The following NXPE2 variants were observed in gnomAD, a reference collection of about 807,000 sequenced individuals.
NXPE2 encodes the protein NXPE family member 2.
NXPE2 carries 34 observed loss-of-function variants against 34.4 expected under a neutral mutation model. That is an observed-to-expected ratio of 0.99 (90% CI 0.75 to 1.31). The LOEUF (loss-of-function observed/expected upper bound fraction) is 1.31, where lower values mean the gene tolerates loss of function less well. Ranked by LOEUF, NXPE2 falls within the 40% of genes most tolerant of loss-of-function variation. The pLI is 0.00. For missense variants in NXPE2, 649 were observed against 672.5 expected (o/e 0.97, Z 0.39); for synonymous variants, 235 against 231.3 (o/e 1.02, Z -0.15).
the NXPE2 span, among the ~76,000 whole-genome samples, chr11:114,565,830 C>G: frequency 1.2e-4 from 18 of 152,114 alleles, no homozygotes; most frequent in African/African-American, 4.1e-4. Flanking sequence ...AGATTATGAG[C>G]AAAAGATCAG....
chr11:114,580,394 T>C, the NXPE2 span: 2 of 1,490,240 alleles, frequency 1.3e-6, no homozygotes, highest in Non-Finnish European at 1.9e-6. Flanking sequence ...CCCGTCAGTA[T>C]GTATTAAGAG....
At chr11:114,789,914 C>T in the NXPE2 span, among the ~76,000 whole-genome samples, 2 of 152,214 alleles carry the variant, frequency 1.3e-5, no homozygotes, top group African/African-American at 2.4e-5. Flanking sequence ...CTGCCCGGAG[C>T]CACCTGGCAG....
At chr11:114,536,759 A>G in the NXPE2 span, among the ~76,000 whole-genome samples, 1 of 152,356 alleles carries the variant, frequency 6.6e-6, no homozygotes, top group Non-Finnish European at 1.5e-5. Flanking sequence ...GAATAGACCA[A>G]TAACAGGCTC....
chr11:114,531,839 TTGGCACTATACG>T, the NXPE2 span, among the ~76,000 whole-genome samples: 1 of 152,164 alleles, frequency 6.6e-6, no homozygotes, highest in Non-Finnish European at 1.5e-5. Context: ...ACTTATGCTT[TTGGCACTATACG>T]GTGCTTTATA....
chr11:114,613,414 A>G, the NXPE2 span, among the ~76,000 whole-genome samples: 1 of 151,806 alleles, frequency 6.6e-6, no homozygotes, highest in Non-Finnish European at 1.5e-5. Flanking sequence ...AAGCACTGTT[A>G]CCTGGTGGAT....
At chr11:114,662,168 C>T in the NXPE2 span, among the ~76,000 whole-genome samples, 1 of 152,176 alleles carries the variant, frequency 6.6e-6, no homozygotes, top group Non-Finnish European at 1.5e-5. Flanking sequence ...ATTGCCAACA[C>T]AACCCCACCA....
At chr11:114,788,900 C>A in the NXPE2 span, among the ~76,000 whole-genome samples, 1 of 152,170 alleles carries the variant, frequency 6.6e-6, no homozygotes, top group African/African-American at 2.4e-5. Context: ...TCTATTTTTA[C>A]ACCACTGGTT....
At chr11:114,705,171 G>A (rs1025506337) in intron 4 of NXPE2, among the ~76,000 whole-genome samples, 3 of 152,148 alleles carry the variant, frequency 2.0e-5, no homozygotes, top group Admixed American at 2.0e-4. Context: ...ATAGAGGAGT[G>A]TTCAGAACAG....
At chr11:114,722,627 T>G in the NXPE2 span, among the ~76,000 whole-genome samples, 6 of 152,154 alleles carry the variant, frequency 3.9e-5, no homozygotes, top group Non-Finnish European at 8.8e-5. Context: ...CTGGTTTTCT[T>G]GCTAAGGATT....
chr11:114,466,311 G>A, the NXPE2 span, among the ~76,000 whole-genome samples: 1 of 151,976 alleles, frequency 6.6e-6, no homozygotes. Context: ...TTAATATCTC[G>A]ATATTTGAAA....
chr11:114,513,810 G>C, the NXPE2 span, among the ~76,000 whole-genome samples: 1 of 152,088 alleles, frequency 6.6e-6, no homozygotes, highest in African/African-American at 2.4e-5. Flanking sequence ...AGTCTTAACA[G>C]AATGAAAGGA....
At chr11:114,791,181 G>T in the NXPE2 span, among the ~76,000 whole-genome samples, 2 of 141,590 alleles carry the variant, frequency 1.4e-5, no homozygotes, top group Admixed American at 1.4e-4. Context: ...GATTCCGTTT[G>T]AAAAAAAAAA....
upstream of NXPE2, among the ~76,000 whole-genome samples, chr11:114,675,080 G>A (rs1359490266): frequency 6.6e-6 from 1 of 151,404 alleles, no homozygotes; most frequent in Non-Finnish European, 1.5e-5. Context: ...AAAGAAAAAG[G>A]ATTTGACAAT....
At chr11:114,622,317 A>G in the NXPE2 span, among the ~76,000 whole-genome samples, 1 of 151,866 alleles carries the variant, frequency 6.6e-6, no homozygotes, top group South Asian at 2.1e-4. Context: ...CTCATGGGGA[A>G]CCACTGTTAC....
At chr11:114,583,979 C>T in the NXPE2 span, 1 of 374,270 alleles carries the variant, frequency 2.7e-6, no homozygotes, top group Non-Finnish European at 5.2e-6. Context: ...CATTTTCAAA[C>T]TGGTCATGTC....
the NXPE2 span, among the ~76,000 whole-genome samples, chr11:114,810,094 G>T: frequency 6.7e-6 from 1 of 148,202 alleles, no homozygotes; most frequent in Non-Finnish European, 1.5e-5. Context: ...ATGGGGAAAG[G>T]ATTCCCTATT....
the NXPE2 span, among the ~76,000 whole-genome samples, chr11:114,555,154 G>A: frequency 0.011 from 1,731 of 151,948 alleles, 13 homozygotes; most frequent in Non-Finnish European, 0.019. Context: ...ATATTTCTGG[G>A]GCATTAACTG....
the NXPE2 span, among the ~76,000 whole-genome samples, chr11:114,741,239 T>TTGC: frequency 0.95 from 144,688 of 152,120 alleles, 69,225 homozygotes; most frequent in East Asian, 1. Context: ...TTCTCTTCTC[T>TTGC]TGCTTTCAAA....
chr11:114,790,774 T>C, the NXPE2 span, among the ~76,000 whole-genome samples: 5 of 151,868 alleles, frequency 3.3e-5, no homozygotes, highest in East Asian at 3.9e-4. Context: ...AATTAAATCA[T>C]TGGGGTTGAT....
Sources: gnomAD v4.1 joint callset for allele counts (sites outside exome capture counted in the v4.1 genomes callset) on GRCh38, gnomAD v4.1.1 for gene constraint, MANE v1.5 for transcripts, NCBI Gene and HGNC (gene_info 2026-07-23, HGNC 2026-07-21) for gene names.